EMB: variants seen among roughly 807,000 people sequenced by gnomAD.
The protein encoded by EMB is embigin homolog.
EMB carries 31 observed loss-of-function variants against 41.4 expected under a neutral mutation model. That is an observed-to-expected ratio of 0.75 (90% CI 0.56 to 1.01). The LOEUF is 1.01. Among genes scored for constraint, EMB ranks in the 50% least tolerant of loss-of-function variants. EMB has a pLI of 0.00. For synonymous variants in EMB, 137 were observed against 140.4 expected, an observed-to-expected ratio of 0.98 and a Z score of 0.17; for missense variants, 379 against 388.3, an observed-to-expected ratio of 0.98 and a Z score of 0.20.
intron 1 of EMB, among the ~76,000 whole-genome samples, chr5:50,433,230 C>A (rs187432559): frequency 6.6e-6 from 1 of 151,964 alleles, no homozygotes. Flanking sequence ...GAAGCCTTTA[C>A]AGACAAGGTT....
At chr5:50,410,459 A>C (rs1365415072) in intron 4 of EMB, among the ~76,000 whole-genome samples, 1 of 152,114 alleles carries the variant, frequency 6.6e-6, no homozygotes, top group Non-Finnish European at 1.5e-5. Context: ...ATTATTTTTA[A>C]GTTTTATGGA....
chr5:50,402,702 G>A, intron 6 of EMB, among the ~76,000 whole-genome samples: 1 of 151,752 alleles, frequency 6.6e-6, no homozygotes, highest in East Asian at 1.9e-4. Context: ...TGACAGGATG[G>A]TCTCTCTTTA....
In EMB at chr5:50,411,323, A is replaced by T. The variant is rs1745333828; in HGVS notation, c.257T>A (p.Leu86His). The T allele has an allele frequency of 6.2e-7, 1 of 1,612,812 alleles. No homozygotes were observed. The highest frequency in any genetic ancestry group is 1.1e-5 in the South Asian group (1 of 90,918). Reference sequence around the variant, plus strand: ...CCCAGATGTTGTGAACTGGCATGTGAGATTTACATTAGAAGGCCTTTCTAA... The same window carrying T: ...CCCAGATGTTGTGAACTGGCATGTGTGATTTACATTAGAAGGCCTTTCTAA... ...ITLERPSNVN[L>H]TCQFTTSGDL... is the part of the protein sequence containing the mutation. Residue 86 changes from leucine (L) to histidine (H), a missense_variant, in exon 3 of 9, where the codon CTC (leucine) becomes CAC (histidine). Physicochemically the swap from Leu to His is moderately conservative, Grantham distance 99. Transcript: ENST00000303221.
intron 5 of EMB, 108 bp from the exon 6 acceptor site, chr5:50,403,562 G>A: frequency 8.2e-7 from 1 of 1,222,968 alleles, no homozygotes; most frequent in South Asian, 1.5e-5. Flanking sequence ...TTGCTTACTA[G>A]AGAAAGGCAT....
chr5:50,426,722 T>C (rs574092143), intron 2 of EMB, among the ~76,000 whole-genome samples: 2 of 152,116 alleles, frequency 1.3e-5, no homozygotes, highest in African/African-American at 2.4e-5. Context: ...AAAATCAATA[T>C]TGATACATAT....
chr5:50,415,702 A>C (rs760749157), intron 2 of EMB, among the ~76,000 whole-genome samples: 26 of 152,320 alleles, frequency 1.7e-4, no homozygotes, highest in South Asian at 1.2e-3. Flanking sequence ...TGAATCTCAG[A>C]TTTAGGTATG....
chr5:50,438,407 G>C (rs1431704108), intron 1 of EMB, among the ~76,000 whole-genome samples: 1 of 152,170 alleles, frequency 6.6e-6, no homozygotes, highest in African/African-American at 2.4e-5. Flanking sequence ...GATGAATTTT[G>C]AAAGGTGAAT....
rs1415689892 is a variant in EMB, at chr5:50,397,207, T to C, written c.*2066A>G. 6.6e-6 allele frequency: 1 copy of C among 152,134 alleles called. No homozygotes were observed. The highest frequency in any genetic ancestry group is 2.4e-5 in the African/African-American group (1 of 41,444). 9.4% of individuals were successfully genotyped at this position (152,134 alleles called of 1,614,324 possible). A position where few individuals can be genotyped will look rare whatever the true frequency, so the allele number is the denominator to read the frequency against. ...TATTTGGTCAATATTAGTTAATTCATTTATCATCTCTGTAAGATTGGTTAA... is the reference window on the plus strand; with the variant it reads ...TATTTGGTCAATATTAGTTAATTCACTTATCATCTCTGTAAGATTGGTTAA... On this transcript the variant is annotated 3_prime_UTR_variant, in exon 9 of 9. Transcript: ENST00000303221.
At chr5:50,427,599 C>G (rs941936130) in intron 2 of EMB, among the ~76,000 whole-genome samples, 1 of 151,912 alleles carries the variant, frequency 6.6e-6, no homozygotes, top group Non-Finnish European at 1.5e-5. Flanking sequence ...ACCTCCAACT[C>G]CTGGGTTCAA....
In EMB at chr5:50,403,310, G is replaced by T; in HGVS notation, c.745C>A (p.His249Asn). The T allele has an allele frequency of 6.2e-7, 1 of 1,612,822 alleles. No individual in the cohort carries two copies. The highest frequency in any genetic ancestry group is 8.5e-7 in the Non-Finnish European group (1 of 1,179,266). The change falls in exon 6 of 9, where the codon CAC becomes AAC. Residue 249 changes from histidine to asparagine, a missense_variant. By Grantham distance (68) the His-to-Asn change is moderately conservative. Transcript: ENST00000303221. ...ALFQLGESEEHIELVVLSYLV... is the reference protein window; with the variant it reads ...ALFQLGESEENIELVVLSYLV... ...TAGCTCAGCACCACAAGCTCAATGT[G>T]TTCTTCACTCTCGCCTAATTGGAAT...
chr5:50,430,836 C>T (rs1215867050), intron 1 of EMB, among the ~76,000 whole-genome samples: 2 of 152,128 alleles, frequency 1.3e-5, no homozygotes, highest in Admixed American at 1.3e-4. Context: ...GCTATTCTCC[C>T]TTACTGATCA....
In EMB at chr5:50,408,081, T is replaced by C. The variant is rs962232912; in HGVS notation, c.473-2229A>G. ...GGGCTGAAGTCCTAGCTGATTCTAT[T>C]ATGCTACCTTTCCATACTTTATATT... On this transcript the variant is annotated intron_variant, in intron 4 of 8. Coordinates refer to ENST00000303221, the MANE Select transcript of EMB (RefSeq NM_198449.3). Among the ~76,000 whole-genome samples, 4 of 152,022 alleles carry C rather than the reference T, an allele frequency of 2.6e-5. 1 individual carries two copies. Among genetic ancestry groups the C allele is most frequent in the African/African-American group, 4.8e-5 (2 of 41,434 alleles).
chr5:50,409,535 G>A (rs78390047), intron 4 of EMB, among the ~76,000 whole-genome samples: 2 of 151,654 alleles, frequency 1.3e-5, no homozygotes, highest in South Asian at 4.2e-4. Flanking sequence ...TGTGTGTTTA[G>A]TATTATTTTT....
intron 2 of EMB, among the ~76,000 whole-genome samples, chr5:50,416,405 C>T (rs1745432377): frequency 6.6e-6 from 1 of 152,166 alleles, no homozygotes; most frequent in African/African-American, 2.4e-5. Context: ...GGCCTTTCAA[C>T]AATTTGCAGT....
At chr5:50,424,407 T>C (rs1745577512) in intron 2 of EMB, among the ~76,000 whole-genome samples, 1 of 152,164 alleles carries the variant, frequency 6.6e-6, no homozygotes, top group Non-Finnish European at 1.5e-5. Flanking sequence ...TGATATGTGC[T>C]TTATTGAAGA....
At chr5:50,419,415 CCCAGTACAAGAA>C (rs1481828591) in intron 2 of EMB, among the ~76,000 whole-genome samples, 3 of 151,926 alleles carry the variant, frequency 2.0e-5, no homozygotes, top group African/African-American at 7.3e-5. Context: ...CATTTGATTC[CCCAGTACAAGAA>C]CCATTTAAAT....
chr5:50,421,270 T>C (rs1745517456), intron 2 of EMB, among the ~76,000 whole-genome samples: 1 of 152,056 alleles, frequency 6.6e-6, no homozygotes, highest in Admixed American at 6.6e-5. Flanking sequence ...AAGACATTTA[T>C]GCAGCCAAAA....
intron 2 of EMB, among the ~76,000 whole-genome samples, chr5:50,415,094 T>C (rs1163006157): frequency 6.6e-6 from 1 of 151,966 alleles, no homozygotes; most frequent in Non-Finnish European, 1.5e-5. Context: ...AAGAGATCCA[T>C]TAATATTCCC....
intron 5 of EMB, among the ~76,000 whole-genome samples, chr5:50,404,834 C>G (rs557339149): frequency 6.6e-6 from 1 of 151,876 alleles, no homozygotes; most frequent in East Asian, 1.9e-4. Context: ...AAAACTAAAC[C>G]TGTTAGCACA....
Sources: allele counts gnomAD v4.1 joint callset (sites outside exome capture counted in the v4.1 genomes callset), GRCh38; gene constraint gnomAD v4.1.1; transcripts MANE v1.5; gene names NCBI Gene and HGNC (gene_info 2026-07-23, HGNC 2026-07-21).